The following PABPC4L variants were observed in gnomAD, a reference collection of about 807,000 sequenced individuals.
The protein encoded by PABPC4L is polyadenylate-binding protein 4-like.
For missense variants in PABPC4L, 452 were observed against 451.4 expected (o/e 1.00, Z -0.01); for synonymous variants, 169 against 164.1 (o/e 1.03, Z -0.23).
the PABPC4L span, among the ~76,000 whole-genome samples, chr4:134,119,862 A>G: frequency 1.3e-5 from 2 of 151,666 alleles, no homozygotes; most frequent in Non-Finnish European, 3.0e-5. Flanking sequence ...TTCTTTTAAC[A>G]TTATGTTTGG....
the PABPC4L span, among the ~76,000 whole-genome samples, chr4:134,070,342 C>A: frequency 6.6e-6 from 1 of 152,028 alleles, no homozygotes. Flanking sequence ...TGTGCATCGG[C>A]TGTGGTGAGG....
downstream of PABPC4L, among the ~76,000 whole-genome samples, chr4:134,193,987 C>T (rs1303280209): frequency 6.6e-6 from 1 of 151,734 alleles, no homozygotes; most frequent in East Asian, 1.9e-4. Flanking sequence ...CTGAAAGAGA[C>T]AGAACTTTTC....
At chr4:134,044,510 C>T in the PABPC4L span, among the ~76,000 whole-genome samples, 13 of 152,104 alleles carry the variant, frequency 8.5e-5, no homozygotes, top group Non-Finnish European at 1.2e-4. Flanking sequence ...GTGATCCACC[C>T]GCCTCAGCCT....
At chr4:133,968,179 T>C in the PABPC4L span, among the ~76,000 whole-genome samples, 1 of 152,092 alleles carries the variant, frequency 6.6e-6, no homozygotes, top group Non-Finnish European at 1.5e-5. Context: ...ACCAGAGAAA[T>C]TTGCTTTCTT....
the PABPC4L span, among the ~76,000 whole-genome samples, chr4:134,001,070 G>A: frequency 3.3e-5 from 5 of 151,990 alleles, no homozygotes; most frequent in Admixed American, 2.0e-4. Context: ...GCCATAGAGA[G>A]GTTACGTAAC....
the PABPC4L span, among the ~76,000 whole-genome samples, chr4:133,973,365 G>T: frequency 7.5e-6 from 1 of 132,524 alleles, no homozygotes; most frequent in Non-Finnish European, 1.6e-5. Flanking sequence ...AGCAATAAGA[G>T]CATAGGAAAA....
At chr4:134,099,194 A>G in the PABPC4L span, among the ~76,000 whole-genome samples, 6 of 151,702 alleles carry the variant, frequency 4.0e-5, no homozygotes, top group East Asian at 1.9e-4. Flanking sequence ...ACGTGGTGAT[A>G]ATACTCTCCA....
At chr4:134,049,533 C>T in the PABPC4L span, among the ~76,000 whole-genome samples, 1 of 152,052 alleles carries the variant, frequency 6.6e-6, no homozygotes, top group Non-Finnish European at 1.5e-5. Context: ...AATTACAGTG[C>T]AGATTACATG....
At chr4:134,066,376 T>A in the PABPC4L span, among the ~76,000 whole-genome samples, 2 of 152,098 alleles carry the variant, frequency 1.3e-5, no homozygotes, top group Non-Finnish European at 2.9e-5. Flanking sequence ...TGCTACTGAT[T>A]TTTTTAGATT....
At chr4:134,025,305 C>CAAAAAA in the PABPC4L span, among the ~76,000 whole-genome samples, 4 of 45,648 alleles carry the variant, frequency 8.8e-5, no homozygotes, top group Non-Finnish European at 9.0e-5. Flanking sequence ...GAATTCATCT[C>CAAAAAA]AAAAAAAAAA....
At chr4:134,047,253 T>C in the PABPC4L span, among the ~76,000 whole-genome samples, 14 of 152,168 alleles carry the variant, frequency 9.2e-5, no homozygotes, top group Non-Finnish European at 7.4e-5. Flanking sequence ...ACTAGAGTCC[T>C]TGGTTCAATG....
chr4:134,032,328 A>T, the PABPC4L span, among the ~76,000 whole-genome samples: 33 of 151,980 alleles, frequency 2.2e-4, no homozygotes, highest in Non-Finnish European at 4.4e-5. Flanking sequence ...TATCAAGTCA[A>T]CTGAGTTTTA....
At chr4:134,060,534 G>C in the PABPC4L span, among the ~76,000 whole-genome samples, 1 of 151,670 alleles carries the variant, frequency 6.6e-6, no homozygotes, top group Non-Finnish European at 1.5e-5. Flanking sequence ...ACACCAGTCA[G>C]AGTTGTGAGG....
At chr4:134,084,598 G>T in the PABPC4L span, among the ~76,000 whole-genome samples, 1 of 151,804 alleles carries the variant, frequency 6.6e-6, no homozygotes, top group South Asian at 2.1e-4. Context: ...ATATGTTCAG[G>T]TTGCCAGTTA....
At chr4:133,996,838 C>A in the PABPC4L span, among the ~76,000 whole-genome samples, 8 of 152,128 alleles carry the variant, frequency 5.3e-5, no homozygotes, top group Admixed American at 2.0e-4. Context: ...AGGCTTGGAG[C>A]AAACACAATT....
At chr4:134,154,317 G>A in the PABPC4L span, among the ~76,000 whole-genome samples, 9 of 152,006 alleles carry the variant, frequency 5.9e-5, no homozygotes, top group Non-Finnish European at 1.0e-4. Flanking sequence ...TTATCTAGGC[G>A]TGGTGGCGCA....
chr4:134,199,830 G>A lies in PABPC4L; in HGVS notation c.*77C>T. 6.8e-7 allele frequency: 1 copy of A among 1,473,882 alleles called. No homozygotes were observed. The highest frequency in any genetic ancestry group is 2.5e-5 in the East Asian group (1 of 40,154). 91.3% of individuals were successfully genotyped at this position (1,473,882 alleles called of 1,614,324 possible). A position where few individuals can be genotyped will look rare whatever the true frequency, so the allele number is the denominator to read the frequency against. On this transcript the variant is annotated 3_prime_UTR_variant, in exon 2 of 2. Transcript: ENST00000421491. ...CATCATGTGGAATATGAAATTTACT[G>A]AGGTCAATTCAGGCAGAGATCACTA...
chr4:134,098,744 G>A, the PABPC4L span, among the ~76,000 whole-genome samples: 2 of 151,482 alleles, frequency 1.3e-5, no homozygotes, highest in Non-Finnish European at 3.0e-5. Context: ...TTAGATGATG[G>A]GAAACTAAAG....
chr4:134,050,706 CAAAAAA>C, the PABPC4L span, among the ~76,000 whole-genome samples: 16,555 of 83,720 alleles, frequency 0.2, 1,524 homozygotes, highest in East Asian at 0.57. Context: ...CACCGTCTCC[CAAAAAA>C]AAAAAAAAAA....
Sources: gnomAD v4.1 joint callset for allele counts (sites outside exome capture counted in the v4.1 genomes callset) on GRCh38, gnomAD v4.1.1 for gene constraint, MANE v1.5 for transcripts, NCBI Gene and HGNC (gene_info 2026-07-23, HGNC 2026-07-21) for gene names.